The following MACROD2 variants were observed in gnomAD, a reference collection of about 807,000 sequenced individuals.
MACROD2 encodes the protein mono-ADP ribosylhydrolase 2.
A neutral mutation model predicts 70.4 loss-of-function variants in MACROD2; 36 were observed. The observed-to-expected ratio is 0.51, with a 90% CI of 0.39 to 0.68. The LOEUF (loss-of-function observed/expected upper bound fraction) is 0.68. Among genes scored for constraint, MACROD2 ranks in the 30% least tolerant of loss-of-function variants. The pLI is 0.00. For synonymous variants in MACROD2, 172 were observed against 178.8 expected (o/e 0.96, Z 0.30); for missense variants, 496 against 538.4 (o/e 0.92, Z 0.78).
chr20:15,105,007 A>C (rs763314598), intron 5 of MACROD2, among the ~76,000 whole-genome samples: 4 of 152,148 alleles, frequency 2.6e-5, no homozygotes, highest in African/African-American at 4.8e-5. Flanking sequence ...ATTGATCTGC[A>C]TGCAGCGTAT....
chr20:15,250,729 C>G (rs1421961797), intron 6 of MACROD2, among the ~76,000 whole-genome samples: 1 of 152,158 alleles, frequency 6.6e-6, no homozygotes, highest in South Asian at 2.1e-4. Flanking sequence ...TCCTTTGGAT[C>G]TCAGCTCTGT....
intron 3 of MACROD2, among the ~76,000 whole-genome samples, chr20:14,270,947 C>T (rs2122352757): frequency 6.6e-6 from 1 of 152,326 alleles, no homozygotes; most frequent in Admixed American, 6.5e-5. Flanking sequence ...GGAGGAGCGC[C>T]CGCCATTGCC....
At chr20:15,679,340 G>A (rs1253078783) in intron 8 of MACROD2, among the ~76,000 whole-genome samples, 1 of 150,712 alleles carries the variant, frequency 6.6e-6, no homozygotes, top group Non-Finnish European at 1.5e-5. Flanking sequence ...AGAAGGGTGA[G>A]GGGTGGTCAG....
intron 4 of MACROD2, among the ~76,000 whole-genome samples, chr20:14,563,480 G>A (rs1386681874): frequency 1.3e-5 from 2 of 151,910 alleles, no homozygotes; most frequent in African/African-American, 4.8e-5. Flanking sequence ...AGTCTGGTGA[G>A]AGTGCAGAGA....
At chr20:15,475,159 A>G (rs76711220) in intron 7 of MACROD2, among the ~76,000 whole-genome samples, 3,986 of 152,298 alleles carry the variant, frequency 0.026, 168 homozygotes, top group African/African-American at 0.091. Context: ...GGATGTGCAT[A>G]GGTTGTATGC....
At chr20:15,469,479 T>C (rs1349719303) in intron 7 of MACROD2, among the ~76,000 whole-genome samples, 2 of 152,056 alleles carry the variant, frequency 1.3e-5, no homozygotes, top group Non-Finnish European at 2.9e-5. Context: ...GGGCCTGGGA[T>C]CCACAAAGAT....
At chr20:14,876,403 C>T (rs2073551770) in intron 5 of MACROD2, among the ~76,000 whole-genome samples, 1 of 152,020 alleles carries the variant, frequency 6.6e-6, no homozygotes, top group African/African-American at 2.4e-5. Context: ...AATATTTTCT[C>T]CCATTCTGTA....
chr20:15,972,441 C>T (rs768146922), intron 13 of MACROD2, among the ~76,000 whole-genome samples: 17 of 152,024 alleles, frequency 1.1e-4, no homozygotes, highest in Non-Finnish European at 2.5e-4. Context: ...TCAATTTATT[C>T]AACACCAGCA....
At chr20:13,998,019 A>G (rs188200395) in intron 1 of MACROD2, among the ~76,000 whole-genome samples, 1 of 152,278 alleles carries the variant, frequency 6.6e-6, no homozygotes, top group East Asian at 1.9e-4. Context: ...TACCTACCTC[A>G]TTGAAATGTC....
intron 3 of MACROD2, among the ~76,000 whole-genome samples, chr20:14,271,757 A>G (rs2082198186): frequency 6.6e-6 from 1 of 152,154 alleles, no homozygotes; most frequent in African/African-American, 2.4e-5. Context: ...AAAAATTTAG[A>G]CAAATGTATA....
intron 8 of MACROD2, among the ~76,000 whole-genome samples, chr20:15,711,091 G>A (rs915270332): frequency 6.6e-6 from 1 of 152,058 alleles, no homozygotes; most frequent in African/African-American, 2.4e-5. Context: ...TTCCTGCTCC[G>A]GTGTCCCCGT....
intron 5 of MACROD2, among the ~76,000 whole-genome samples, chr20:14,909,871 C>T (rs1197771959): frequency 5.3e-5 from 8 of 151,958 alleles, no homozygotes; most frequent in African/African-American, 1.2e-4. Context: ...CACTTTAGAA[C>T]GTTCACTCTC....
chr20:14,384,253 T>G (rs1223754314), intron 3 of MACROD2, among the ~76,000 whole-genome samples: 1 of 152,046 alleles, frequency 6.6e-6, no homozygotes, highest in Non-Finnish European at 1.5e-5. Flanking sequence ...GGGAAATGAG[T>G]TTTTTATTCT....
At chr20:15,223,467 C>T (rs1157196758) in intron 5 of MACROD2, among the ~76,000 whole-genome samples, 7 of 152,178 alleles carry the variant, frequency 4.6e-5, no homozygotes, top group Non-Finnish European at 2.9e-5. Flanking sequence ...AACAAAAGAA[C>T]TAAACCAGCA....
intron 5 of MACROD2, among the ~76,000 whole-genome samples, chr20:14,834,360 T>A (rs2073005395): frequency 6.6e-6 from 1 of 151,974 alleles, no homozygotes; most frequent in Non-Finnish European, 1.5e-5. Context: ...AAACTGTTTT[T>A]ATAGCCTGTA....
At chr20:15,799,482 T>C (rs2223674) in intron 8 of MACROD2, among the ~76,000 whole-genome samples, 11,327 of 152,202 alleles carry the variant, frequency 0.074, 978 homozygotes, top group East Asian at 0.3. Flanking sequence ...GGAACCATCA[T>C]TCTATCCCTC....
At chr20:14,724,910 G>A (rs1215798907) in intron 5 of MACROD2, among the ~76,000 whole-genome samples, 2 of 152,134 alleles carry the variant, frequency 1.3e-5, no homozygotes, top group African/African-American at 4.8e-5. Context: ...GATATTGTGT[G>A]GAGAATGGAA....
chr20:15,134,453 G>C (rs2076131111), intron 5 of MACROD2, among the ~76,000 whole-genome samples: 1 of 151,914 alleles, frequency 6.6e-6, no homozygotes, highest in Admixed American at 6.6e-5. Flanking sequence ...TGAACAACCT[G>C]CTCCTGAATC....
At chr20:16,035,700 A>C (rs2147597411) in intron 15 of MACROD2, among the ~76,000 whole-genome samples, 1 of 152,134 alleles carries the variant, frequency 6.6e-6, no homozygotes, top group Non-Finnish European at 1.5e-5. Flanking sequence ...CTTCAACCTC[A>C]GGGGATTTAG....
Sources: gnomAD v4.1 joint callset for allele counts (sites outside exome capture counted in the v4.1 genomes callset) on GRCh38, gnomAD v4.1.1 for gene constraint, MANE v1.5 for transcripts, NCBI Gene and HGNC (gene_info 2026-07-23, HGNC 2026-07-21) for gene names.